The following PIN1 variants were observed in gnomAD, a reference collection of about 807,000 sequenced individuals.
PIN1 encodes peptidylprolyl cis/trans isomerase, NIMA-interacting 1.
Under a neutral mutation model 19.9 loss-of-function variants are expected in PIN1, and 8 were observed. The ratio of observed to expected loss-of-function variants is 0.40; its 90% CI spans 0.24 to 0.72. The LOEUF (loss-of-function observed/expected upper bound fraction) is 0.72, where lower values mean the gene tolerates loss of function less well. Ranked by LOEUF, PIN1 falls within the 30% of genes least tolerant of loss-of-function variation. PIN1 has a pLI of 0.37. For missense variants in PIN1, 185 were observed against 226.5 expected (o/e 0.82, Z 1.18); for synonymous variants, 86 against 90.8 (o/e 0.95, Z 0.30).
rs1422728291 is a variant in PIN1 at position 9,849,474 on chromosome 19, G to C, written c.*275G>C. On this transcript the variant is annotated 3_prime_UTR_variant, in exon 4 of 4. Transcript: ENST00000247970. ...AGGCTCCCAGACCCAGGGCAGTGTG[G>C]TGGGAGGGGTGTTCCAAAGAGAAGG... 2.8e-6 allele frequency: 2 copies of C among 706,902 alleles called. No homozygotes were observed. The highest frequency in any genetic ancestry group is 2.7e-5 in the South Asian group (2 of 73,288). 43.8% of individuals were successfully genotyped at this position (706,902 alleles called of 1,614,324 possible).
chr19:9,838,505 G>T lies in PIN1; in HGVS notation c.128G>T (p.Ser43Ile). Residue 43 changes from serine (S) to isoleucine (I), a missense_variant, in exon 2 of 4, where the codon AGT becomes ATT. By Grantham distance (142) the Ser-to-Ile change is moderately radical (BLOSUM62 -2). Coordinates refer to ENST00000247970, the MANE Select transcript of PIN1 (RefSeq NM_006221.4). The surrounding 1 kb of genome is among the most constrained non-coding windows in gnomAD (Gnocchi z 5.8). ...GAGCGGCCCAGCGGCAACAGCAGCA[G>T]TGGTGGCAAAAACGGGCAGGGGGAG... ...QWERPSGNSS[S>I]GGKNGQGEPA... 6.2e-7 allele frequency: 1 copy of T among 1,607,456 alleles called. No individual in the cohort carries two copies. Among genetic ancestry groups the T allele is most frequent in the Non-Finnish European group, 8.5e-7 (1 of 1,177,908 alleles).
chr19:9,837,054 C>T (rs1161801810), intron 1 of PIN1: 1 of 384,986 alleles, frequency 2.6e-6, no homozygotes, highest in Non-Finnish European at 5.2e-6. Flanking sequence ...GCCTCTGCCT[C>T]CCAGGCTTAA....
At position 9,838,529 on chromosome 19, in the gene PIN1, A is replaced by G; in HGVS notation, c.152A>G (p.Glu51Gly). ...SSSGGKNGQG[E>G]PARVRCSHLL... ...AGTGGTGGCAAAAACGGGCAGGGGGAGCCTGCCAGGGTCCGCTGCTCGCAC... is the reference window on the plus strand; with the variant it reads ...AGTGGTGGCAAAAACGGGCAGGGGGGGCCTGCCAGGGTCCGCTGCTCGCAC... The change falls in exon 2 of 4, where the codon GAG becomes GGG. Residue 51 changes from glutamate (E) to glycine (G), a missense_variant. Glu to Gly is a moderately conservative substitution (Grantham distance 98). Coordinates refer to ENST00000247970, the MANE Select transcript of PIN1 (RefSeq NM_006221.4). The surrounding 1 kb of genome is among the most constrained non-coding windows in gnomAD (Gnocchi z 5.8). The G allele has an allele frequency of 1.9e-6, 3 of 1,598,468 alleles. No individual in the cohort carries two copies. Among genetic ancestry groups the G allele is most frequent in the Middle Eastern group, 1.7e-4 (1 of 5,798 alleles).
chr19:9,844,854 T>C (rs1200388177), intron 2 of PIN1, among the ~76,000 whole-genome samples: 1 of 152,204 alleles, frequency 6.6e-6, no homozygotes, highest in Non-Finnish European at 1.5e-5. Flanking sequence ...CCTATTTCTG[T>C]CTCATTTATT....
chr19:9,847,701 T>C (rs1352618051), intron 2 of PIN1, among the ~76,000 whole-genome samples: 2 of 117,556 alleles, frequency 1.7e-5, no homozygotes, highest in Non-Finnish European at 4.2e-5. Flanking sequence ...TGTGTGTGTG[T>C]GTGCATGTGT....
At chr19:9,848,250 T>C in intron 3 of PIN1, 110 bp downstream of exon 3, 1 of 702,298 alleles carries the variant, frequency 1.4e-6, no homozygotes, top group Non-Finnish European at 2.6e-6. Flanking sequence ...GCCTTCGGGG[T>C]CCAGCAGGTG....
chr19:9,848,286 C>G, intron 3 of PIN1, 146 bp downstream of exon 3: 1 of 642,722 alleles, frequency 1.6e-6, no homozygotes, highest in Admixed American at 2.3e-5. Context: ...CCTCAGGCTT[C>G]AGAGGCTGCT....
intron 2 of PIN1, among the ~76,000 whole-genome samples, chr19:9,847,057 A>G (rs1387658987): frequency 1.3e-5 from 2 of 152,116 alleles, no homozygotes; most frequent in African/African-American, 4.8e-5. Flanking sequence ...GCTTTGGCCC[A>G]TGGGCACCTT....
chr19:9,835,813 AC>A, intron 1 of PIN1: 1 of 207,222 alleles, frequency 4.8e-6, no homozygotes, highest in Non-Finnish European at 9.5e-6. Flanking sequence ...TCCACAACCT[AC>A]CCCTGCTAAC....
At position 9,849,444 on chromosome 19, in the gene PIN1, G is replaced by T. The variant is rs750312383; in HGVS notation, c.*245G>T. The T allele has an allele frequency of 1.1e-5, 8 of 735,014 alleles. No homozygotes were observed. The highest frequency in any genetic ancestry group is 1.8e-5 in the Non-Finnish European group (7 of 398,712). The allele number at this position is 735,014 out of a possible 1,614,324, so 45.5% of individuals were successfully genotyped here. A position where few individuals can be genotyped will look rare whatever the true frequency, so the allele number is the denominator to read the frequency against. On this transcript the variant is annotated 3_prime_UTR_variant, in exon 4 of 4. Transcript: ENST00000247970. ...CCTTAAGGAATTGACTTCAGCAGGG[G>T]TGGGAGGCTCCCAGACCCAGGGCAG...
intron 2 of PIN1, among the ~76,000 whole-genome samples, chr19:9,842,625 G>A (rs1282251167): frequency 6.6e-6 from 1 of 152,186 alleles, no homozygotes; most frequent in African/African-American, 2.4e-5. Flanking sequence ...CTTGGCACAC[G>A]ACCTCCCTCT....
intron 1 of PIN1, chr19:9,836,897 C>G (rs1456660814): frequency 7.1e-6 from 9 of 1,259,910 alleles, no homozygotes; most frequent in Non-Finnish European, 9.3e-6. Flanking sequence ...GTTTTGCCAT[C>G]TATACAATAG....
chr19:9,835,553 C>A, intron 1 of PIN1, 151 bp downstream of exon 1: 1 of 603,786 alleles, frequency 1.7e-6, no homozygotes, highest in Non-Finnish European at 2.6e-6. Context: ...CCGGCCCGCC[C>A]TGTTGTGGGG....
chr19:9,847,655 G>T (rs1304873318), intron 2 of PIN1, among the ~76,000 whole-genome samples: 2 of 152,120 alleles, frequency 1.3e-5, no homozygotes, highest in African/African-American at 2.4e-5. Context: ...CTCTCCTCTG[G>T]CCCATCCAGC....
At chr19:9,841,081 CAG>C (rs1379701436) in intron 2 of PIN1, among the ~76,000 whole-genome samples, 2 of 152,186 alleles carry the variant, frequency 1.3e-5, no homozygotes, top group Admixed American at 1.3e-4. Flanking sequence ...GGGCCCAGCA[CAG>C]AGTGTACACT....
chr19:9,843,946 A>T (rs1020827531), intron 2 of PIN1, among the ~76,000 whole-genome samples: 1 of 152,142 alleles, frequency 6.6e-6, no homozygotes, highest in African/African-American at 2.4e-5. Context: ...GCTACTCAGG[A>T]GGCTGAGGCA....
Position 9,838,351 on chromosome 19 carries a change from G to GC in PIN1, c.59-82dup, listed in dbSNP as rs2046130684. On this transcript the variant is annotated intron_variant, in intron 1 of 3. Transcript: ENST00000247970. This position sits in a 1 kb window ranked among gnomAD's most constrained non-coding sequence, Gnocchi z 5.8. ...AATGAAGGCGCCCCCTGCAAGCCAGGCCCTCACCCTGGCTTCTGGCTGTGG... is the reference window on the plus strand; with the variant it reads ...AATGAAGGCGCCCCCTGCAAGCCAGGCCCCTCACCCTGGCTTCTGGCTGTGG... The GC allele has an allele frequency of 9.3e-7, 1 of 1,074,072 alleles. No individual in the cohort carries two copies. The highest frequency in any genetic ancestry group is 1.4e-5 in the South Asian group (1 of 73,782). The allele number at this position is 1,074,072 out of a possible 1,614,324, so 66.5% of individuals were successfully genotyped here.
chr19:9,849,321 G>T lies in PIN1; in HGVS notation c.*122G>T. On this transcript the variant is annotated 3_prime_UTR_variant, in exon 4 of 4. Coordinates refer to ENST00000247970, the MANE Select transcript of PIN1 (RefSeq NM_006221.4). ...CTGCCACCGTCACACAGTATTTATT[G>T]TTCCCACAATGGCTGGGAGGGGGCC... 1 of 750,348 alleles carries T rather than the reference G, an allele frequency of 1.3e-6. No homozygotes were observed. 46.5% of individuals were successfully genotyped at this position (750,348 alleles called of 1,614,324 possible).
chr19:9,837,226 G>A (rs1011861599), intron 1 of PIN1: 5 of 183,186 alleles, frequency 2.7e-5, no homozygotes, highest in East Asian at 1.6e-4. Context: ...TGATCTTGGC[G>A]CACTGCAACC....
Sources: gnomAD v4.1 joint callset for allele counts (sites outside exome capture counted in the v4.1 genomes callset) on GRCh38, gnomAD v4.1.1 for gene constraint, Gnocchi (gnomAD v3.1) non-coding constraint, MANE v1.5 for transcripts, NCBI Gene and HGNC (gene_info 2026-07-23, HGNC 2026-07-21) for gene names.